The following AJAP1 variants were observed in gnomAD, a reference collection of about 807,000 sequenced individuals.
AJAP1 encodes adherens junctions associated protein 1.
Under a neutral mutation model 35.0 loss-of-function variants are expected in AJAP1, and 5 were observed. The ratio of observed to expected loss-of-function variants is 0.14; its 90% CI spans 0.07 to 0.30. AJAP1 has a LOEUF of 0.30. Ranked by LOEUF, AJAP1 falls within the 10% of genes least tolerant of loss-of-function variation. The pLI is 1.00. For synonymous variants in AJAP1, 284 were observed against 249.3 expected (o/e 1.14, Z -1.31); for missense variants, 586 against 571.0 (o/e 1.03, Z -0.27).
chr1:4,690,261 G>A (rs1025892822), intron 1 of AJAP1, among the ~76,000 whole-genome samples: 1 of 152,182 alleles, frequency 6.6e-6, no homozygotes, highest in African/African-American at 2.4e-5. Context: ...TGTCACCAGG[G>A]CCTGTTCCTG....
At chr1:4,671,635 A>G (rs1570094732) in intron 1 of AJAP1, among the ~76,000 whole-genome samples, 1 of 151,460 alleles carries the variant, frequency 6.6e-6, no homozygotes, top group East Asian at 1.9e-4. Context: ...TTCCTCACAC[A>G]CCTCTTCCAG....
intron 1 of AJAP1, among the ~76,000 whole-genome samples, chr1:4,666,965 C>T (rs144096630): frequency 0.033 from 4,419 of 134,520 alleles, 391 homozygotes; most frequent in Admixed American, 0.12. Flanking sequence ...GGAGGGGTTG[C>T]AGAGAGGAGC....
At chr1:4,773,339 C>T (rs1405494627) in intron 4 of AJAP1, among the ~76,000 whole-genome samples, 1 of 152,184 alleles carries the variant, frequency 6.6e-6, no homozygotes, top group East Asian at 1.9e-4. Context: ...TTAGAAAGGG[C>T]TGGCTGCATG....
chr1:4,664,264 A>T (rs530992644), intron 1 of AJAP1, among the ~76,000 whole-genome samples: 1 of 152,322 alleles, frequency 6.6e-6, no homozygotes, highest in South Asian at 2.1e-4. Flanking sequence ...GATTGGATGT[A>T]TTTAAGGAAT....
At chr1:4,686,880 C>T (rs2100218306) in intron 1 of AJAP1, among the ~76,000 whole-genome samples, 1 of 152,334 alleles carries the variant, frequency 6.6e-6, no homozygotes, top group African/African-American at 2.4e-5. Flanking sequence ...TTTATTAGCC[C>T]TGCTTCTAGG....
chr1:4,655,877 C>T lies in AJAP1; in HGVS notation c.29+423C>T, dbSNP rs972601562. Among the ~76,000 whole-genome samples the T allele has an allele frequency of 7.9e-5, 12 of 151,570 alleles. No individual in the cohort carries two copies. The highest frequency in any genetic ancestry group is 2.4e-4 in the African/African-American group (10 of 41,446). ...CCGGGGAAAGCTAAAGCTCCGGGCT[C>T]CCAGCGAGAGCTTCGCAGGCGGAGT... On this transcript the variant is annotated intron_variant, in intron 1 of 5. Transcript: ENST00000378191. This position sits in a 1 kb window ranked among gnomAD's most constrained non-coding sequence, Gnocchi z 6.9.
At chr1:4,722,442 C>A (rs1483547959) in intron 2 of AJAP1, among the ~76,000 whole-genome samples, 1 of 152,258 alleles carries the variant, frequency 6.6e-6, no homozygotes, top group Non-Finnish European at 1.5e-5. Flanking sequence ...CAGCCGTTCA[C>A]CCAGCTGGAG....
chr1:4,682,859 G>GTGATGGTGATTGTGA (rs1557606982), intron 1 of AJAP1, among the ~76,000 whole-genome samples: 2 of 144,650 alleles, frequency 1.4e-5, no homozygotes, highest in African/African-American at 5.6e-5. Flanking sequence ...GGTGATGGTG[G>GTGATGGTGATTGTGA]TGATGGTGAT....
Position 4,657,954 on chromosome 1 carries a change from A to G in AJAP1, c.29+2500A>G, listed in dbSNP as rs544068792. Reference sequence around the variant, plus strand: ...TCCATCAGCTGAGAGAGAGGGAGCCACGGAAGGAGACCCAGTGGCTTGACA... The same window carrying G: ...TCCATCAGCTGAGAGAGAGGGAGCCGCGGAAGGAGACCCAGTGGCTTGACA... On this transcript the variant is annotated intron_variant, in intron 1 of 5. Transcript: ENST00000378191. Among the ~76,000 whole-genome samples, 12 of 152,260 alleles carry G rather than the reference A, an allele frequency of 7.9e-5. No individual in the cohort carries two copies. The South Asian group carries it at 2.5e-3, about 32-fold the overall frequency.
intron 4 of AJAP1, among the ~76,000 whole-genome samples, chr1:4,773,031 A>G (rs973562534): frequency 2.0e-5 from 3 of 152,208 alleles, no homozygotes; most frequent in African/African-American, 7.2e-5. Context: ...ACTCATGTGT[A>G]ATCCCTCAAA....
intron 2 of AJAP1, among the ~76,000 whole-genome samples, chr1:4,749,001 G>A (rs1017394325): frequency 3.9e-5 from 6 of 152,146 alleles, no homozygotes; most frequent in Non-Finnish European, 2.9e-5. Context: ...AGAACCGCAG[G>A]AGTGGACTGA....
intron 1 of AJAP1, among the ~76,000 whole-genome samples, chr1:4,689,958 G>A (rs947778783): frequency 6.6e-6 from 1 of 152,072 alleles, no homozygotes; most frequent in Non-Finnish European, 1.5e-5. Flanking sequence ...AGGCTCCCTG[G>A]CCTGGGGCAG....
chr1:4,675,601 C>T (rs1639345536), intron 1 of AJAP1, among the ~76,000 whole-genome samples: 1 of 152,176 alleles, frequency 6.6e-6, no homozygotes, highest in African/African-American at 2.4e-5. Flanking sequence ...AGCCTCTAGC[C>T]TAAATCACAT....
chr1:4,753,364 G>C (rs760284709), intron 2 of AJAP1, among the ~76,000 whole-genome samples: 1 of 147,284 alleles, frequency 6.8e-6, no homozygotes, highest in East Asian at 1.9e-4. Flanking sequence ...CACCCAAAAA[G>C]GACGTGAAAA....
chr1:4,674,561 AG>A (rs1280716665), intron 1 of AJAP1, among the ~76,000 whole-genome samples: 4 of 152,156 alleles, frequency 2.6e-5, no homozygotes, highest in Non-Finnish European at 5.9e-5. Flanking sequence ...AGAAATACGG[AG>A]GGGGCTTTCA....
chr1:4,775,722 A>C (rs1010767501), intron 5 of AJAP1, among the ~76,000 whole-genome samples: 1 of 152,222 alleles, frequency 6.6e-6, no homozygotes, highest in African/African-American at 2.4e-5. Flanking sequence ...ACTGGCAAAG[A>C]AACGTAATTA....
chr1:4,782,767 GAAGAAAGGA>G lies in AJAP1; in HGVS notation c.*293_*301del. ...CAGAGTTTTCTTTGGAGAACAGAAA[GAAGAAAGGA>G]AAGAAAGGAACCAGAGGCAGAGAGA... On this transcript the variant is annotated 3_prime_UTR_variant, in exon 6 of 6. Coordinates refer to ENST00000378191, the MANE Select transcript of AJAP1 (RefSeq NM_018836.4). The surrounding 1 kb of genome is among the most constrained non-coding windows in gnomAD (Gnocchi z 5.3). 2.5e-6 allele frequency: 1 copy of G among 398,632 alleles called. No individual in the cohort carries two copies. The highest frequency in any genetic ancestry group is 4.4e-6 in the Non-Finnish European group (1 of 226,086). 24.7% of individuals were successfully genotyped at this position (398,632 alleles called of 1,614,324 possible).
At chr1:4,706,693 G>T (rs987624198) in intron 1 of AJAP1, among the ~76,000 whole-genome samples, 1 of 152,162 alleles carries the variant, frequency 6.6e-6, no homozygotes, top group South Asian at 2.1e-4. Context: ...GCACACTCCC[G>T]GCTCGGGGAA....
At chr1:4,781,416 G>T (rs781524855) in intron 5 of AJAP1, among the ~76,000 whole-genome samples, 1 of 152,208 alleles carries the variant, frequency 6.6e-6, no homozygotes, top group African/African-American at 2.4e-5. Context: ...AGGTGGGCCT[G>T]GGAATCTGTA....
Sources: gnomAD v4.1 joint callset for allele counts (sites outside exome capture counted in the v4.1 genomes callset) on GRCh38, gnomAD v4.1.1 for gene constraint, Gnocchi (gnomAD v3.1) non-coding constraint, MANE v1.5 for transcripts, NCBI Gene and HGNC (gene_info 2026-07-23, HGNC 2026-07-21) for gene names.